WWOX: variants seen among roughly 807,000 people sequenced by gnomAD.
WWOX encodes the protein WW domain-containing oxidoreductase.
Under a neutral mutation model 46.2 loss-of-function variants are expected in WWOX, and 69 were observed. The ratio of observed to expected loss-of-function variants is 1.49; its 90% CI spans 1.23 to 1.82. The LOEUF (loss-of-function observed/expected upper bound fraction) is 1.82, where lower values mean the gene tolerates loss of function less well. Ranked by LOEUF, WWOX falls within the 40% of genes most tolerant of loss-of-function variation. The probability of loss-of-function intolerance (pLI) is 0.00; values close to 1 mark genes in which losing one functional copy is unlikely to be tolerated. For synonymous variants in WWOX, 359 were observed against 202.6 expected, an observed-to-expected ratio of 1.77 and a Z score of -6.56; for missense variants, 919 against 542.6, an observed-to-expected ratio of 1.69 and a Z score of -6.89.
At chr16:78,390,602 A>G (rs535439036) in intron 6 of WWOX, among the ~76,000 whole-genome samples, 1 of 152,336 alleles carries the variant, frequency 6.6e-6, no homozygotes, top group South Asian at 2.1e-4. Flanking sequence ...GAGAGATTTT[A>G]CTTTTGAAAT....
At chr16:78,574,934 C>G (rs1205401731) in intron 8 of WWOX, among the ~76,000 whole-genome samples, 1 of 137,996 alleles carries the variant, frequency 7.2e-6, no homozygotes, top group Non-Finnish European at 1.6e-5. Flanking sequence ...AATCATTACA[C>G]AATGTATATA....
chr16:78,794,933 A>G (rs138415888), intron 8 of WWOX, among the ~76,000 whole-genome samples: 112 of 152,346 alleles, frequency 7.4e-4, no homozygotes, highest in African/African-American at 2.6e-3. Flanking sequence ...GCATACTGCA[A>G]ATATCTATGG....
rs397967588 is a variant in WWOX at position 78,321,290 on chromosome 16, A to ATACGTATATATATACGTATATATATG, written c.517-65570_517-65569insTACGTATATATATACGTATATATATG. On this transcript the variant is annotated intron_variant, in intron 5 of 8. Coordinates refer to ENST00000566780, the MANE Select transcript of WWOX (RefSeq NM_016373.4). ...CTTAGTTTTTTAAATATATATATAT[A>ATACGTATATATATACGTATATATATG]CGTATATATATACGTATATATATGC... Among the ~76,000 whole-genome samples, 8 of 126,594 alleles carry ATACGTATATATATACGTATATATATG rather than the reference A, an allele frequency of 6.3e-5. 1 individual carries two copies. The highest frequency in any genetic ancestry group is 2.0e-4 in the African/African-American group (6 of 29,826). 83.1% of individuals were successfully genotyped at this position (126,594 alleles called of 152,430 possible).
rs547962477 is a variant in WWOX, at chr16:78,764,800, A to G, written c.1056+332048A>G. 3.9e-5 allele frequency among the ~76,000 whole-genome samples: 6 copies of G among 151,922 alleles called. No homozygotes were observed. In the South Asian group the frequency reaches 1.0e-3, roughly 26 times the overall value. On this transcript the variant is annotated intron_variant, in intron 8 of 8. Transcript: ENST00000566780. The stretch of plus-strand genomic sequence containing the variant: ...CACAGTGTCTTGAACACGGTAAACA[A>G]CTTACCTAGGTCTGATCTCATTTGA...
At chr16:78,900,122 A>G (rs1361858931) in intron 8 of WWOX, among the ~76,000 whole-genome samples, 2 of 32,462 alleles carry the variant, frequency 6.2e-5, no homozygotes, top group South Asian at 6.2e-4. Flanking sequence ...TTATTTCTTT[A>G]TTACTGTTTT....
At chr16:78,624,958 G>A (rs79157519) in intron 8 of WWOX, among the ~76,000 whole-genome samples, 3,073 of 152,124 alleles carry the variant, frequency 0.02, 100 homozygotes, top group African/African-American at 0.07. Context: ...GAACATCATG[G>A]CCCCCTTCAT....
rs1457660536 is a variant in WWOX, at chr16:78,099,859, C to G, written c.81C>G (p.Thr27=). The G allele has an allele frequency of 6.3e-7, 1 of 1,578,142 alleles. No individual in the cohort carries two copies. The highest frequency in any genetic ancestry group is 1.4e-5 in the African/African-American group (1 of 73,946). The stretch of plus-strand genomic sequence containing the variant: ...CTCCGGGCTGGGAGGAGAGAACCAC[C>G]AAGGACGGCTGGGTTTACTACGCCA... The part of the protein sequence containing the change: ...ELPPGWEERT[T]KDGWVYYANH... Residue 27 remains threonine (T), a synonymous_variant, in exon 1 of 9, where the codon ACC becomes ACG. Transcript: ENST00000566780.
At chr16:78,666,633 C>T (rs919861747) in intron 8 of WWOX, among the ~76,000 whole-genome samples, 1 of 152,146 alleles carries the variant, frequency 6.6e-6, no homozygotes, top group Non-Finnish European at 1.5e-5. Context: ...GCAGACAAAA[C>T]AAGATCTGCT....
intron 5 of WWOX, among the ~76,000 whole-genome samples, chr16:78,259,329 A>G (rs2038217560): frequency 6.6e-6 from 1 of 152,140 alleles, no homozygotes; most frequent in African/African-American, 2.4e-5. Flanking sequence ...TTTTATTTTT[A>G]TTTATATTTA....
chr16:78,387,036 C>A (rs1248429669), intron 6 of WWOX, 88 bp downstream of exon 6: 10 of 1,368,788 alleles, frequency 7.3e-6, no homozygotes, highest in Middle Eastern at 1.8e-4. Flanking sequence ...GAATGCAAGG[C>A]TGTTGTGTTG....
intron 8 of WWOX, among the ~76,000 whole-genome samples, chr16:78,981,141 G>C (rs925719755): frequency 6.6e-6 from 1 of 152,188 alleles, no homozygotes; most frequent in African/African-American, 2.4e-5. Flanking sequence ...CTAGCTGGGA[G>C]GACCGTTGTA....
chr16:78,566,035 C>T (rs193209884), intron 8 of WWOX, among the ~76,000 whole-genome samples: 1 of 152,278 alleles, frequency 6.6e-6, no homozygotes, highest in Admixed American at 6.5e-5. Context: ...AGTCTAGAGG[C>T]TGGGAAGTCC....
Position 78,672,598 on chromosome 16 carries a change from G to C in WWOX, c.1056+239846G>C, listed in dbSNP as rs932550301. Among the ~76,000 whole-genome samples, 11 of 152,282 alleles carry C rather than the reference G, an allele frequency of 7.2e-5. No individual in the cohort carries two copies. In the East Asian group the frequency reaches 1.9e-3, roughly 27 times the overall value. The stretch of plus-strand genomic sequence containing the variant: ...AACTGTGCCTAAATTGCCTGTAATG[G>C]GTTCTTTGCAACTTGCAGAACCAGA... On this transcript the variant is annotated intron_variant, in intron 8 of 8. Coordinates refer to ENST00000566780, the MANE Select transcript of WWOX (RefSeq NM_016373.4).
rs564976560 is a variant in WWOX at position 78,523,369 on chromosome 16, C to T, written c.1056+90617C>T. ...AAATGCTGAGAGCCCTGCTTCCCCT[C>T]TTGTATTCAAATGGCTCTATAAGAG... On this transcript the variant is annotated intron_variant, in intron 8 of 8. Transcript: ENST00000566780. Among the ~76,000 whole-genome samples, 5 of 152,352 alleles carry T rather than the reference C, an allele frequency of 3.3e-5. No homozygotes were observed. In the East Asian group the frequency reaches 9.7e-4, roughly 29 times the overall value.
chr16:78,543,390 T>C (rs905527983), intron 8 of WWOX, among the ~76,000 whole-genome samples: 4 of 152,202 alleles, frequency 2.6e-5, no homozygotes, highest in African/African-American at 7.2e-5. Flanking sequence ...TTTACTACAA[T>C]GATGCCCTTT....
At chr16:78,449,127 G>C (rs2083629448) in intron 8 of WWOX, among the ~76,000 whole-genome samples, 1 of 152,150 alleles carries the variant, frequency 6.6e-6, no homozygotes, top group Admixed American at 6.5e-5. Flanking sequence ...TTGCTGGTAG[G>C]ACTCAGTTCC....
intron 8 of WWOX, chr16:79,101,129 G>T (rs750798569): frequency 3.3e-5 from 5 of 152,166 alleles, no homozygotes; most frequent in Admixed American, 6.5e-5. Context: ...TTTGCATTCT[G>T]TACAGGAAGG....
intron 8 of WWOX, among the ~76,000 whole-genome samples, chr16:78,832,867 C>T (rs186236733): frequency 3.7e-4 from 57 of 152,212 alleles, no homozygotes; most frequent in African/African-American, 1.3e-3. Context: ...ATTATTTCAC[C>T]AGTGACTTTT....
chr16:78,237,073 C>CAAA lies in WWOX; in HGVS notation c.516+72805_516+72807dup, dbSNP rs35866443. Among the ~76,000 whole-genome samples, 283 of 80,702 alleles carry CAAA rather than the reference C, an allele frequency of 3.5e-3. 6 individuals carry two copies. Among genetic ancestry groups the CAAA allele is most frequent in the African/African-American group, 8.2e-3 (172 of 20,958 alleles). 52.9% of individuals were successfully genotyped at this position (80,702 alleles called of 152,430 possible). On this transcript the variant is annotated intron_variant, in intron 5 of 8. Transcript: ENST00000566780. ...TGGGTGACAGAGTGAGACTCCGTCT[C>CAAA]AAAAAAAAAAAAAAAAAAAAAAATC...
Sources: allele counts gnomAD v4.1 joint callset (sites outside exome capture counted in the v4.1 genomes callset), GRCh38; gene constraint gnomAD v4.1.1; transcripts MANE v1.5; gene names NCBI Gene and HGNC (gene_info 2026-07-23, HGNC 2026-07-21).